The following EZH1 variants were observed in gnomAD, a reference collection of about 807,000 sequenced individuals.
EZH1 encodes the protein enhancer of zeste 1 polycomb repressive complex 2 subunit, also known as histone-lysine N-methyltransferase EZH1.
In EZH1, 33 loss-of-function variants were observed where a neutral mutation model predicts 100.5. That is an observed-to-expected ratio of 0.33 (90% CI 0.25 to 0.44). The LOEUF is 0.44. EZH1 is among the 20% of genes least tolerant of loss of function. The pLI is 1.00. For synonymous variants in EZH1, 272 were observed against 313.8 expected, an observed-to-expected ratio of 0.87 and a Z score of 1.41; for missense variants, 475 against 928.4, an observed-to-expected ratio of 0.51 and a Z score of 6.35.
intron 10 of EZH1, among the ~76,000 whole-genome samples, chr17:42,715,079 T>C (rs946252950): frequency 7.1e-6 from 1 of 140,138 alleles, no homozygotes; most frequent in African/African-American, 2.6e-5. Context: ...ATATTACATG[T>C]ATTTATATAT....
At chr17:42,725,002 A>G (rs951309845) in intron 4 of EZH1, among the ~76,000 whole-genome samples, 5 of 151,914 alleles carry the variant, frequency 3.3e-5, no homozygotes, top group Non-Finnish European at 7.4e-5. Context: ...CCCAGTCCCT[A>G]CTAAAAATAC....
rs1308909144 is a variant in EZH1 at position 42,713,388 on chromosome 17, T to A, written c.1025A>T (p.Glu342Val). The A allele has an allele frequency of 1.9e-6, 3 of 1,592,558 alleles. No individual in the cohort carries two copies. In the Admixed American group the frequency reaches 5.1e-5, roughly 27 times the overall value. Residue 342 changes from glutamate (E) to valine (V), a missense_variant and splice_region_variant, in exon 11 of 21, where the codon GAA becomes GTA. Physicochemically the swap from Glu to Val is moderately radical, Grantham distance 121. Coordinates refer to ENST00000428826, the MANE Select transcript of EZH1 (RefSeq NM_001991.5). ...GAGCATGGCATACTCCTTTGCTCCT[T>A]CCTGCAGTGGACACATTACAGACAG... ...PCGTDCFLLL[E>V]GAKEYAMLHN... is the part of the protein sequence containing the mutation.
chr17:42,740,024 C>G (rs1404075362), intron 1 of EZH1, among the ~76,000 whole-genome samples: 1 of 151,760 alleles, frequency 6.6e-6, no homozygotes, highest in Non-Finnish European at 1.5e-5. Flanking sequence ...AAGGAAAATG[C>G]TGGCTCACAG....
chr17:42,704,689 G>C lies in EZH1; in HGVS notation c.1936-6C>G. On this transcript the variant is annotated splice_region_variant and splice_polypyrimidine_tract_variant and intron_variant, in intron 17 of 20. Transcript: ENST00000428826. The stretch of plus-strand genomic sequence containing the variant: ...GCCTCATCCTGAGAGATGAGCTAGA[G>C]AGATAGACAAATAACAAATAGGAGT... 3.7e-6 allele frequency: 6 copies of C among 1,612,182 alleles called. No homozygotes were observed. The highest frequency in any genetic ancestry group is 5.1e-6 in the Non-Finnish European group (6 of 1,178,960).
Position 42,705,180 on chromosome 17 carries a change from G to C in EZH1, c.1843C>G (p.Leu615Val). ...CSIQRGLKKH[L>V]LLAPSDVAGW... is the part of the protein sequence containing the mutation. Reference sequence around the variant, plus strand: ...GCCACATCAGAGGGGGCCAGCAGCAGGTGCTGGGGAAGAGGGGGCCAAGTC... The same window carrying C: ...GCCACATCAGAGGGGGCCAGCAGCACGTGCTGGGGAAGAGGGGGCCAAGTC... The change falls in exon 17 of 21, where the codon CTG (leucine) becomes GTG (valine). Residue 615 changes from leucine (L) to valine (V), a missense_variant. Leu to Val is a conservative substitution (Grantham distance 32). Around this residue, in one of 8 missense-constraint regions of EZH1, gnomAD observed 23 missense variants for 31.9 expected, o/e 0.72. Coordinates refer to ENST00000428826, the MANE Select transcript of EZH1 (RefSeq NM_001991.5). The C allele has an allele frequency of 1.2e-6, 2 of 1,612,280 alleles. No individual in the cohort carries two copies. The highest frequency in any genetic ancestry group is 1.7e-6 in the Non-Finnish European group (2 of 1,179,098).
rs1408263940 is a variant in EZH1, at chr17:42,742,155, T to TC, written c.-103+2855dup. Among the ~76,000 whole-genome samples the TC allele has an allele frequency of 8.6e-5, 13 of 151,418 alleles. No individual in the cohort carries two copies. In the East Asian group the frequency reaches 2.1e-3, roughly 25 times the overall value. On this transcript the variant is annotated intron_variant, in intron 1 of 20. Coordinates refer to ENST00000428826, the MANE Select transcript of EZH1 (RefSeq NM_001991.5). ...GTGCTGTCTCTCTTTTTTTTTTTTT[T>TC]CCCAAGACAGAGTCTCACTCTTTCG...
intron 6 of EZH1, among the ~76,000 whole-genome samples, chr17:42,722,480 C>T (rs1336912976): frequency 6.6e-6 from 1 of 151,700 alleles, no homozygotes; most frequent in Non-Finnish European, 1.5e-5. Flanking sequence ...CAAGAATTAG[C>T]TGGGCATGGT....
At chr17:42,712,159 C>T in intron 12 of EZH1, 130 bp downstream of exon 12, 1 of 950,940 alleles carries the variant, frequency 1.1e-6, no homozygotes, top group Non-Finnish European at 1.6e-6. Flanking sequence ...GAAGCACAGG[C>T]TCATCAGGGA....
chr17:42,715,187 T>A (rs1351421094), intron 10 of EZH1, among the ~76,000 whole-genome samples: 4 of 141,954 alleles, frequency 2.8e-5, no homozygotes, highest in Non-Finnish European at 6.0e-5. Context: ...ATATATATCA[T>A]AGATTATATG....
chr17:42,706,608 A>G lies in EZH1; in HGVS notation c.1661-423T>C, dbSNP rs1007000074. ...TGGATGTAGGGGGATGAATGGCTTGAGCCAGGGAGGTTGAGGCTGCAGTGA... is the reference window on the plus strand; with the variant it reads ...TGGATGTAGGGGGATGAATGGCTTGGGCCAGGGAGGTTGAGGCTGCAGTGA... On this transcript the variant is annotated intron_variant, in intron 15 of 20. Transcript: ENST00000428826. The surrounding 1 kb of genome is among the most constrained non-coding windows in gnomAD (Gnocchi z 4.4). 6.6e-6 allele frequency among the ~76,000 whole-genome samples: 1 copy of G among 152,060 alleles called. No individual in the cohort carries two copies. Among genetic ancestry groups the G allele is most frequent in the Admixed American group, 6.6e-5 (1 of 15,248 alleles).
intron 14 of EZH1, among the ~76,000 whole-genome samples, chr17:42,708,428 G>A (rs1293982457): frequency 1.3e-5 from 2 of 152,198 alleles, no homozygotes; most frequent in Admixed American, 6.5e-5. Context: ...GCCGAGGCAG[G>A]TGGATCATTT....
Position 42,719,206 on chromosome 17 carries a change from G to A in EZH1, c.666C>T (p.Gly222=). ...ACTGTTTCTTGGAACTCTTTTTGTT[G>A]CCTGAATTGGAAATGATAAAAAGCT... ...TRKRKRHAIE[G]NKKSSKKQFP... is the part of the protein sequence containing the mutation. Residue 222 remains glycine (G), a splice_region_variant and synonymous_variant, in exon 8 of 21, where the codon GGC becomes GGT. Transcript: ENST00000428826. 6.2e-7 allele frequency: 1 copy of A among 1,611,974 alleles called. No homozygotes were observed. Among genetic ancestry groups the A allele is most frequent in the Non-Finnish European group, 8.5e-7 (1 of 1,178,360 alleles).
At chr17:42,743,754 C>T (rs2143913080) in intron 1 of EZH1, among the ~76,000 whole-genome samples, 1 of 152,048 alleles carries the variant, frequency 6.6e-6, no homozygotes, top group South Asian at 2.1e-4. Flanking sequence ...TATGAGCCAC[C>T]GAGCCCAGTC....
chr17:42,719,273 T>A, intron 7 of EZH1, 66 bp from the exon 8 acceptor site: 1 of 1,247,248 alleles, frequency 8.0e-7, no homozygotes, highest in Non-Finnish European at 1.2e-6. Flanking sequence ...ATCTGTGTGA[T>A]CTTTTTTCCT....
chr17:42,727,658 T>C lies in EZH1; in HGVS notation c.223A>G (p.Ser75Gly), dbSNP rs768459667. The change falls in exon 4 of 21, where the codon AGT becomes GGT. Residue 75 changes from serine to glycine, a missense_variant. Ser to Gly is a moderately conservative substitution (Grantham distance 56). Coordinates refer to ENST00000428826, the MANE Select transcript of EZH1 (RefSeq NM_001991.5). Reference protein sequence around the residue: ...VQPVQSMKPVSGHPFLKKCTI... With the variant: ...VQPVQSMKPVGGHPFLKKCTI... ...ACCTTTTTGAGAAAAGGGTGTCCACTCACAGGCTTCATTGACTGAACAGGT... is the reference window on the plus strand; with the variant it reads ...ACCTTTTTGAGAAAAGGGTGTCCACCCACAGGCTTCATTGACTGAACAGGT... The C allele has an allele frequency of 3.1e-6, 5 of 1,613,126 alleles. No homozygotes were observed. Among genetic ancestry groups the C allele is most frequent in the Admixed American group, 3.3e-5 (2 of 59,850 alleles).
At chr17:42,737,593 G>A (rs1363207237) in intron 1 of EZH1, among the ~76,000 whole-genome samples, 1 of 152,068 alleles carries the variant, frequency 6.6e-6, no homozygotes, top group Non-Finnish European at 1.5e-5. Context: ...GTGACAGAGT[G>A]AGACCCTGTT....
chr17:42,729,149 G>A (rs1344920655), intron 2 of EZH1, 197 bp from the exon 3 acceptor site: 9 of 461,888 alleles, frequency 1.9e-5, no homozygotes, highest in Non-Finnish European at 3.4e-5. Flanking sequence ...GCTCACACCT[G>A]TAAAACCAAC....
At chr17:42,738,481 G>A (rs977403087) in intron 1 of EZH1, among the ~76,000 whole-genome samples, 5 of 151,340 alleles carry the variant, frequency 3.3e-5, no homozygotes, top group East Asian at 1.9e-4. Context: ...ACGGAATCTC[G>A]CTCTGCTGGG....
At chr17:42,729,764 G>T (rs1207282208) in intron 2 of EZH1, among the ~76,000 whole-genome samples, 1 of 147,160 alleles carries the variant, frequency 6.8e-6, no homozygotes, top group Admixed American at 6.9e-5. Flanking sequence ...AAAAGTCCGG[G>T]CATGGTGATT....
Sources: allele counts gnomAD v4.1 joint callset (sites outside exome capture counted in the v4.1 genomes callset), GRCh38; gene constraint gnomAD v4.1.1; regional missense constraint gnomAD v4.1.1; non-coding constraint Gnocchi (gnomAD v3.1); transcripts MANE v1.5; gene names NCBI Gene and HGNC (gene_info 2026-07-23, HGNC 2026-07-21).